The following ARHGEF28 variants were observed in gnomAD, a reference collection of about 807,000 sequenced individuals.
ARHGEF28 encodes the protein 190 kDa guanine nucleotide exchange factor.
Under a neutral mutation model 206.6 loss-of-function variants are expected in ARHGEF28, and 152 were observed. That is an observed-to-expected ratio of 0.74 (90% CI 0.64 to 0.84). The LOEUF (loss-of-function observed/expected upper bound fraction) is 0.84. ARHGEF28 is among the 40% of genes least tolerant of loss of function. The pLI, the probability that ARHGEF28 is intolerant of heterozygous loss-of-function variation, is 0.00. For synonymous variants in ARHGEF28, 763 were observed against 776.4 expected (o/e 0.98, Z 0.29); for missense variants, 2,028 against 2,073.2 (o/e 0.98, Z 0.42).
At chr5:73,720,818 C>A (rs557219194) in intron 2 of ARHGEF28, among the ~76,000 whole-genome samples, 2 of 152,314 alleles carry the variant, frequency 1.3e-5, no homozygotes, top group East Asian at 3.9e-4. Flanking sequence ...AACCCCACAA[C>A]AACCTAAAGT....
intron 7 of ARHGEF28, among the ~76,000 whole-genome samples, chr5:73,784,802 A>G (rs1561401822): frequency 6.6e-6 from 1 of 152,210 alleles, no homozygotes; most frequent in African/African-American, 2.4e-5. Flanking sequence ...GTTAACAATG[A>G]TAATTAATAA....
At chr5:73,646,372 G>C (rs1263217032) in intron 1 of ARHGEF28, among the ~76,000 whole-genome samples, 1 of 152,192 alleles carries the variant, frequency 6.6e-6, no homozygotes, top group African/African-American at 2.4e-5. Flanking sequence ...CCCTCCTTGA[G>C]TAGGATCCTC....
chr5:73,719,443 G>T (rs1472591044), intron 2 of ARHGEF28, among the ~76,000 whole-genome samples: 2 of 148,812 alleles, frequency 1.3e-5, no homozygotes, highest in African/African-American at 2.5e-5. Flanking sequence ...ACCATGATTT[G>T]AATTTTTCAA....
At chr5:73,718,941 C>T (rs1312222897) in intron 2 of ARHGEF28, among the ~76,000 whole-genome samples, 1 of 152,188 alleles carries the variant, frequency 6.6e-6, no homozygotes. Context: ...GTGCTCTGTT[C>T]ATCTCCTGGG....
chr5:73,732,338 C>T (rs76517009), intron 2 of ARHGEF28, among the ~76,000 whole-genome samples: 2 of 146,446 alleles, frequency 1.4e-5, no homozygotes, highest in Non-Finnish European at 3.0e-5. Context: ...TTCAGATCAG[C>T]TTTTTTTTTT....
At chr5:73,699,797 A>G (rs971054926) in intron 2 of ARHGEF28, among the ~76,000 whole-genome samples, 2 of 152,242 alleles carry the variant, frequency 1.3e-5, no homozygotes, top group Admixed American at 6.5e-5. Context: ...TACAGAAAAC[A>G]TAAAGTGATT....
chr5:73,714,648 A>C (rs1290783964), intron 2 of ARHGEF28, among the ~76,000 whole-genome samples: 1 of 152,206 alleles, frequency 6.6e-6, no homozygotes, highest in Admixed American at 6.5e-5. Context: ...CTCTGTGTGT[A>C]TATATGCATA....
At position 73,752,808 on chromosome 5, in the gene ARHGEF28, G is replaced by A. The variant is rs188642632; in HGVS notation, c.182-101G>A. On this transcript the variant is annotated intron_variant, in intron 3 of 35. Coordinates refer to ENST00000513042, the MANE Select transcript of ARHGEF28 (RefSeq NM_001177693.2). ...CCTTTCTGCTTTGTTCTCCTGGAGC[G>A]TGTTGTCTGCTTAAGCTATGTGGTG... 914 of 1,334,032 alleles carry A rather than the reference G, an allele frequency of 6.9e-4. 2 individuals carry two copies. In the African/African-American group the frequency reaches 8.0e-3, roughly 12 times the overall value. 82.6% of individuals were successfully genotyped at this position (1,334,032 alleles called of 1,614,324 possible).
At chr5:73,852,265 G>A (rs76633065) in intron 13 of ARHGEF28, among the ~76,000 whole-genome samples, 2,781 of 152,272 alleles carry the variant, frequency 0.018, 29 homozygotes, top group Non-Finnish European at 0.029. Context: ...TTGTTTAAAA[G>A]CAGTTATTTA....
chr5:73,724,481 A>G (rs2112336982), intron 2 of ARHGEF28, among the ~76,000 whole-genome samples: 1 of 152,306 alleles, frequency 6.6e-6, no homozygotes, highest in Middle Eastern at 3.4e-3. Flanking sequence ...ACTGTTGACA[A>G]ATACACAGAG....
chr5:73,923,536 A>G (rs753520509), intron 35 of ARHGEF28, among the ~76,000 whole-genome samples: 19 of 152,166 alleles, frequency 1.2e-4, no homozygotes, highest in Non-Finnish European at 7.4e-5. Context: ...TTCTCTTTGT[A>G]TTTGTCAGGT....
chr5:73,790,563 C>T (rs115253118), intron 7 of ARHGEF28, among the ~76,000 whole-genome samples: 1 of 152,088 alleles, frequency 6.6e-6, no homozygotes, highest in African/African-American at 2.4e-5. Flanking sequence ...GTTGGGCTCT[C>T]ACTCACTGAT....
At chr5:73,650,212 A>G (rs1332722354) in intron 1 of ARHGEF28, among the ~76,000 whole-genome samples, 2 of 151,588 alleles carry the variant, frequency 1.3e-5, no homozygotes, top group African/African-American at 2.4e-5. Flanking sequence ...TTAGAGCTGC[A>G]AGTAATCCAC....
chr5:73,929,203 A>G (rs1240781348), intron 35 of ARHGEF28, among the ~76,000 whole-genome samples: 1 of 152,346 alleles, frequency 6.6e-6, no homozygotes, highest in South Asian at 2.1e-4. Context: ...ATTATAATAT[A>G]ATAGCCACTC....
At chr5:73,828,908 C>T (rs1757110699) in intron 9 of ARHGEF28, among the ~76,000 whole-genome samples, 1 of 151,910 alleles carries the variant, frequency 6.6e-6, no homozygotes, top group Admixed American at 6.6e-5. Flanking sequence ...GCAGCCTCCA[C>T]CTCCCAGGCT....
intron 1 of ARHGEF28, among the ~76,000 whole-genome samples, chr5:73,683,062 TTTA>T (rs1284073890): frequency 1.3e-5 from 2 of 152,190 alleles, no homozygotes; most frequent in Admixed American, 6.5e-5. Context: ...AAGGCATGTC[TTTA>T]TTATCTTTGT....
At chr5:73,815,518 C>T (rs902646310) in intron 9 of ARHGEF28, among the ~76,000 whole-genome samples, 4 of 152,062 alleles carry the variant, frequency 2.6e-5, no homozygotes, top group African/African-American at 9.7e-5. Flanking sequence ...GGATAGGTAC[C>T]GTTCTGTAGA....
chr5:73,894,561 C>T lies in ARHGEF28; in HGVS notation c.3827C>T (p.Ala1276Val). The change falls in exon 29 of 36, where the codon GCA becomes GTA. Residue 1276 changes from alanine (A) to valine (V), a missense_variant. By Grantham distance (64) the Ala-to-Val change is moderately conservative (BLOSUM62 0). Transcript: ENST00000513042. ...EPPQAASLLAAALKEAESLQV... is the reference protein window; with the variant it reads ...EPPQAASLLAVALKEAESLQV... ...CCCCAGGCAGCCTCATTACTGGCAGCAGCACTGAAAGAAGGTAAACTGCTG... is the reference window on the plus strand; with the variant it reads ...CCCCAGGCAGCCTCATTACTGGCAGTAGCACTGAAAGAAGGTAAACTGCTG... 1 of 1,613,546 alleles carries T rather than the reference C, an allele frequency of 6.2e-7. No individual in the cohort carries two copies. Among genetic ancestry groups the T allele is most frequent in the Non-Finnish European group, 8.5e-7 (1 of 1,179,772 alleles).
chr5:73,779,521 C>A (rs186675416), intron 6 of ARHGEF28, among the ~76,000 whole-genome samples: 6 of 152,248 alleles, frequency 3.9e-5, no homozygotes, highest in Non-Finnish European at 5.9e-5. Flanking sequence ...TCTTTTCTCA[C>A]ATAGCCTTGG....
Sources: allele counts gnomAD v4.1 joint callset (sites outside exome capture counted in the v4.1 genomes callset), GRCh38; gene constraint gnomAD v4.1.1; transcripts MANE v1.5; gene names NCBI Gene and HGNC (gene_info 2026-07-23, HGNC 2026-07-21).